CD84: variants seen among roughly 807,000 people sequenced by gnomAD.
The protein encoded by CD84 is CD84 molecule, also known as SLAM family member 5.
In CD84, 22 loss-of-function variants were observed where a neutral mutation model predicts 33.8. The observed-to-expected ratio is 0.65, with a 90% CI of 0.46 to 0.93. The LOEUF is 0.93. Among genes scored for constraint, CD84 ranks in the 40% least tolerant of loss-of-function variants. The pLI, the probability that CD84 is intolerant of heterozygous loss-of-function variation, is 0.00. For missense variants in CD84, 400 were observed against 397.6 expected (o/e 1.01, Z -0.05); for synonymous variants, 154 against 145.2 (o/e 1.06, Z -0.44).
chr1:160,542,624 C>A lies in CD84; in HGVS notation c.*5632G>T, dbSNP rs1655601082. The A allele has an allele frequency of 6.6e-6, 1 of 152,190 alleles. No individual in the cohort carries two copies. Among genetic ancestry groups the A allele is most frequent in the Non-Finnish European group, 1.5e-5 (1 of 68,026 alleles). The allele number at this position is 152,190 out of a possible 1,614,324, so 9.4% of individuals were successfully genotyped here. Reference sequence around the variant, plus strand: ...TCATTTGCAAAGATTTGGCCATTTTCCAGTCTCAGAATTGATCCATCCCAA... The same window carrying A: ...TCATTTGCAAAGATTTGGCCATTTTACAGTCTCAGAATTGATCCATCCCAA... On this transcript the variant is annotated 3_prime_UTR_variant, in exon 7 of 7. Coordinates refer to ENST00000368054, the MANE Select transcript of CD84 (RefSeq NM_003874.4).
Position 160,549,963 on chromosome 1 carries a change from T to G in CD84, c.875A>C (p.Glu292Ala). The G allele has an allele frequency of 1.2e-6, 2 of 1,612,422 alleles. No individual in the cohort carries two copies. Among genetic ancestry groups the G allele is most frequent in the Non-Finnish European group, 8.5e-7 (1 of 1,178,474 alleles). The change falls in exon 6 of 7, where the codon GAA (glutamate) becomes GCA (alanine). Residue 292 changes from glutamate to alanine, a missense_variant. Transcript: ENST00000368054. ...GGAATAAACTGTGTTCACTGGCTCT[T>G]CCTTGGAGGGAAGCACCTGTAAAAC... is the stretch of plus-strand genomic sequence containing the variant. ...ILQSKVLPSK[E>A]EPVNTVYSEV...
chr1:160,568,495 T>C (rs1277958219), intron 1 of CD84, among the ~76,000 whole-genome samples: 2 of 152,104 alleles, frequency 1.3e-5, no homozygotes, highest in Non-Finnish European at 2.9e-5. Context: ...CCAACTGTGC[T>C]CTGAGAGAAG....
Position 160,541,767 on chromosome 1 carries a change from G to A in CD84, c.*6489C>T, listed in dbSNP as rs981990253. On this transcript the variant is annotated 3_prime_UTR_variant, in exon 7 of 7. Coordinates refer to ENST00000368054, the MANE Select transcript of CD84 (RefSeq NM_003874.4). ...AGGTCTGATGGGTCAGATTGCTAAG[G>A]AGTGTGGTTCCCCAGGAAAAACATT... 1 of 152,236 alleles carries A rather than the reference G, an allele frequency of 6.6e-6. No homozygotes were observed. Among genetic ancestry groups the A allele is most frequent in the African/African-American group, 2.4e-5 (1 of 41,434 alleles). The allele number at this position is 152,236 out of a possible 1,614,324, so 9.4% of individuals were successfully genotyped here.
In CD84 at chr1:160,567,978, G is replaced by A. The variant is rs556715262; in HGVS notation, c.47-2233C>T. 4.1e-4 allele frequency among the ~76,000 whole-genome samples: 62 copies of A among 152,186 alleles called. No individual in the cohort carries two copies. In the South Asian group the frequency reaches 1.0e-2, roughly 24 times the overall value. Reference sequence around the variant, plus strand: ...TAAATTCTACATACTATTTAAACAAGGGGCCCTCCATTTTCGTTTTGCACT... The same window carrying A: ...TAAATTCTACATACTATTTAAACAAAGGGCCCTCCATTTTCGTTTTGCACT... On this transcript the variant is annotated intron_variant, in intron 1 of 6. Transcript: ENST00000368054.
intron 2 of CD84, among the ~76,000 whole-genome samples, chr1:160,554,942 C>T (rs908685109): frequency 6.6e-6 from 1 of 151,772 alleles, no homozygotes; most frequent in African/African-American, 2.4e-5. Context: ...TATTTATTAT[C>T]ATTAATGAAA....
chr1:160,570,664 C>A (rs1325424768), intron 1 of CD84, among the ~76,000 whole-genome samples: 1 of 152,100 alleles, frequency 6.6e-6, no homozygotes, highest in African/African-American at 2.4e-5. Flanking sequence ...AGTGCGAGAC[C>A]AGCCTGGGTA....
intron 6 of CD84, among the ~76,000 whole-genome samples, chr1:160,549,427 A>G (rs970488262): frequency 6.6e-6 from 1 of 152,204 alleles, no homozygotes; most frequent in South Asian, 2.1e-4. Flanking sequence ...CATAAGGCAC[A>G]GGCATAAGGC....
Position 160,553,454 on chromosome 1 carries a change from G to A in CD84, c.684C>T (p.Ser228=), listed in dbSNP as rs1656380173. ...GFRTHHTGLL[S]VLAMFFLLVL... ...CAAGCAGAAAGAACATAGCCAGCACGCTCAGCAACCCGGTGTGGTGAGTAC... is the reference window on the plus strand; with the variant it reads ...CAAGCAGAAAGAACATAGCCAGCACACTCAGCAACCCGGTGTGGTGAGTAC... Residue 228 remains serine, a synonymous_variant, in exon 4 of 7, where the codon AGC becomes AGT. Coordinates refer to ENST00000368054, the MANE Select transcript of CD84 (RefSeq NM_003874.4). 1.2e-6 allele frequency: 2 copies of A among 1,614,036 alleles called. No homozygotes were observed. Among genetic ancestry groups the A allele is most frequent in the Middle Eastern group, 1.7e-4 (1 of 6,060 alleles).
intron 2 of CD84, 121 bp from the exon 3 acceptor site, chr1:160,554,267 A>G (rs1656454380): frequency 2.0e-6 from 2 of 1,007,898 alleles, no homozygotes; most frequent in Non-Finnish European, 2.6e-6. Context: ...TTATAAAAAC[A>G]TAATTAAATA....
intron 1 of CD84, among the ~76,000 whole-genome samples, chr1:160,569,809 G>C (rs529134905): frequency 2.0e-5 from 3 of 152,296 alleles, no homozygotes; most frequent in African/African-American, 7.2e-5. Flanking sequence ...AGCAGAACCT[G>C]TGATGTTAAT....
At chr1:160,578,469 T>A (rs1433270765) in intron 1 of CD84, among the ~76,000 whole-genome samples, 2 of 152,154 alleles carry the variant, frequency 1.3e-5, no homozygotes, top group Non-Finnish European at 2.9e-5. Flanking sequence ...ACCAGAGAGA[T>A]CACAGTGCAT....
intron 2 of CD84, among the ~76,000 whole-genome samples, chr1:160,559,153 G>A (rs1337074324): frequency 6.6e-6 from 1 of 152,116 alleles, no homozygotes; most frequent in South Asian, 2.1e-4. Flanking sequence ...TACTCCATGA[G>A]AAAATCAACC....
At chr1:160,558,796 C>T (rs112999273) in intron 2 of CD84, among the ~76,000 whole-genome samples, 25 of 152,128 alleles carry the variant, frequency 1.6e-4, no homozygotes, top group African/African-American at 5.3e-4. Flanking sequence ...GGAACAAAAC[C>T]GACCTGATGG....
At position 160,549,905 on chromosome 1, in the gene CD84, G is replaced by A. The variant is rs767930987; in HGVS notation, c.921+12C>T. On this transcript the variant is annotated intron_variant, in intron 6 of 6. Coordinates refer to ENST00000368054, the MANE Select transcript of CD84 (RefSeq NM_003874.4). ...TTAGGAAAGCAAGGATAAAAAGCCAGAAAGGGGTTACCTTATCAGCAAACT... is the reference window on the plus strand; with the variant it reads ...TTAGGAAAGCAAGGATAAAAAGCCAAAAAGGGGTTACCTTATCAGCAAACT... The A allele has an allele frequency of 1.9e-6, 3 of 1,602,756 alleles. No individual in the cohort carries two copies. The highest frequency in any genetic ancestry group is 1.7e-6 in the Non-Finnish European group (2 of 1,169,706).
rs1188546526 is a variant in CD84 at position 160,547,771 on chromosome 1, G to A, written c.*485C>T. On this transcript the variant is annotated 3_prime_UTR_variant, in exon 7 of 7. Transcript: ENST00000368054. ...ATGCGTGGTGAAGGCCACGCACCAG[G>A]GATCTTCACACATACTGACTGTGAG... 1.2e-5 allele frequency: 2 copies of A among 160,854 alleles called. No homozygotes were observed. The highest frequency in any genetic ancestry group is 6.1e-5 in the Admixed American group (1 of 16,446). 10.0% of individuals were successfully genotyped at this position (160,854 alleles called of 1,614,324 possible).
At chr1:160,557,593 A>G (rs1656690141) in intron 2 of CD84, among the ~76,000 whole-genome samples, 1 of 152,278 alleles carries the variant, frequency 6.6e-6, no homozygotes, top group South Asian at 2.1e-4. Context: ...TCTCTATGCT[A>G]GAAACTAGTG....
chr1:160,576,363 T>C (rs1182338960), intron 1 of CD84, among the ~76,000 whole-genome samples: 1 of 152,182 alleles, frequency 6.6e-6, no homozygotes, highest in African/African-American at 2.4e-5. Context: ...CAAATCACAT[T>C]TGAATAATAT....
chr1:160,562,446 G>A (rs1006830584), intron 2 of CD84, among the ~76,000 whole-genome samples: 9 of 152,086 alleles, frequency 5.9e-5, no homozygotes, highest in East Asian at 3.9e-4. Context: ...TCAGATTTTC[G>A]ACAAACCTGA....
Position 160,578,207 on chromosome 1 carries a change from C to G in CD84, c.46+1185G>C, listed in dbSNP as rs1658086852. Among the ~76,000 whole-genome samples, 4 of 152,154 alleles carry G rather than the reference C, an allele frequency of 2.6e-5. No individual in the cohort carries two copies. The South Asian group carries it at 8.3e-4, about 32-fold the overall frequency. Reference sequence around the variant, plus strand: ...CTATCTTGCTCATCTCAATGGTTTTCATATGGATGACATAAGAATGTAGGC... The same window carrying G: ...CTATCTTGCTCATCTCAATGGTTTTGATATGGATGACATAAGAATGTAGGC... On this transcript the variant is annotated intron_variant, in intron 1 of 6. Coordinates refer to ENST00000368054, the MANE Select transcript of CD84 (RefSeq NM_003874.4).
Sources: allele counts gnomAD v4.1 joint callset (sites outside exome capture counted in the v4.1 genomes callset), GRCh38; gene constraint gnomAD v4.1.1; transcripts MANE v1.5; gene names NCBI Gene and HGNC (gene_info 2026-07-23, HGNC 2026-07-21).